DOCK6: variants seen among roughly 807,000 people sequenced by gnomAD.
DOCK6 encodes the protein dedicator of cytokinesis 6.
A neutral mutation model predicts 230.3 loss-of-function variants in DOCK6; 167 were observed. The ratio of observed to expected loss-of-function variants is 0.73; its 90% CI spans 0.64 to 0.82. The LOEUF is 0.82. Ranked by LOEUF, DOCK6 falls within the 40% of genes least tolerant of loss-of-function variation. The probability of loss-of-function intolerance (pLI) is 0.00; values close to 1 mark genes in which losing one functional copy is unlikely to be tolerated. For missense variants in DOCK6, 2,598 were observed against 2,825.8 expected (o/e 0.92, Z 1.83); for synonymous variants, 1,148 against 1,185.0 (o/e 0.97, Z 0.64).
chr19:11,240,248 G>C lies in DOCK6; in HGVS notation c.1643+1797C>G, dbSNP rs992655444. The C allele has an allele frequency of 9.5e-6, 15 of 1,583,442 alleles. No homozygotes were observed. The African/African-American group carries it at 1.9e-4, about 20-fold the overall frequency. Reference sequence around the variant, plus strand: ...GCGTGCAGCGGCTAGAAGTCCAGCTGAGGAGCGCCTGGCTGGGCCCTGCCT... The same window carrying C: ...GCGTGCAGCGGCTAGAAGTCCAGCTCAGGAGCGCCTGGCTGGGCCCTGCCT... On this transcript the variant is annotated intron_variant, in intron 14 of 47. Coordinates refer to ENST00000294618, the MANE Select transcript of DOCK6 (RefSeq NM_020812.4).
intron 7 of DOCK6, 83 bp from the exon 8 acceptor site, chr19:11,245,961 G>A: frequency 6.7e-7 from 1 of 1,488,516 alleles, no homozygotes; most frequent in Non-Finnish European, 9.1e-7. Context: ...GCCCAAGGTG[G>A]GGGGCATCTG....
Position 11,200,973 on chromosome 19 carries a change from T to G in DOCK6, c.5768A>C (p.Asp1923Ala). Residue 1923 changes from aspartate (D) to alanine (A), a missense_variant, in exon 45 of 48, where the codon GAC (aspartate) becomes GCC (alanine). Coordinates refer to ENST00000294618, the MANE Select transcript of DOCK6 (RefSeq NM_020812.4). This position sits in a 1 kb window ranked among gnomAD's most constrained non-coding sequence, Gnocchi z 4.3. The stretch of plus-strand genomic sequence containing the variant: ...CTGTAGCATCTTAGCATCTGGTGGG[T>G]CCTGCTCGGTGGCAAAGGCCAGCTC... Reference protein sequence around the residue: ...TRELAFATEQDPPDAKMLQMV... With the variant: ...TRELAFATEQAPPDAKMLQMV... 6.2e-7 allele frequency: 1 copy of G among 1,613,876 alleles called. No individual in the cohort carries two copies. The highest frequency in any genetic ancestry group is 8.5e-7 in the Non-Finnish European group (1 of 1,179,852).
chr19:11,243,255 C>A lies in DOCK6; in HGVS notation c.1386+3G>T. ...GAGAGTCCCTGGCCCCAGGGTAGGA[C>A]ACCTGCTTAAAGAAGTTTGTGACAG... On this transcript the variant is annotated splice_donor_region_variant and intron_variant, in intron 12 of 47. Transcript: ENST00000294618. This position sits in a 1 kb window ranked among gnomAD's most constrained non-coding sequence, Gnocchi z 6.3. The A allele has an allele frequency of 6.2e-7, 1 of 1,612,584 alleles. No homozygotes were observed. The highest frequency in any genetic ancestry group is 8.5e-7 in the Non-Finnish European group (1 of 1,179,334).
intron 1 of DOCK6, 123 bp from the exon 2 acceptor site, chr19:11,253,849 C>T: frequency 1.4e-6 from 1 of 690,320 alleles, no homozygotes; most frequent in Non-Finnish European, 2.4e-6. Flanking sequence ...CCAAGAGAAC[C>T]AGGAGTGCTG....
intron 39 of DOCK6, chr19:11,206,248 C>T (rs778918954): frequency 6.6e-6 from 1 of 152,100 alleles, no homozygotes; most frequent in Non-Finnish European, 1.5e-5. Flanking sequence ...AGAAGAAAAC[C>T]CCTTTTCCAC....
At position 11,243,969 on chromosome 19, in the gene DOCK6, T is replaced by C; in HGVS notation, c.1024-87A>G. On this transcript the variant is annotated intron_variant, in intron 9 of 47. Coordinates refer to ENST00000294618, the MANE Select transcript of DOCK6 (RefSeq NM_020812.4). This position sits in a 1 kb window ranked among gnomAD's most constrained non-coding sequence, Gnocchi z 6.3. ...GCTCCCCAGCCTCCTGGACCCCTCA[T>C]GGGCCCTCGGACACTCCTAACATAT... The C allele has an allele frequency of 7.0e-7, 1 of 1,418,700 alleles. No homozygotes were observed. Among genetic ancestry groups the C allele is most frequent in the Non-Finnish European group, 9.7e-7 (1 of 1,026,890 alleles). The allele number at this position is 1,418,700 out of a possible 1,614,324, so 87.9% of individuals were successfully genotyped here. A position where few individuals can be genotyped will look rare whatever the true frequency, so the allele number is the denominator to read the frequency against.
chr19:11,217,337 C>T lies in DOCK6; in HGVS notation c.3605G>A (p.Gly1202Asp), dbSNP rs75699708. 13 of 1,613,558 alleles carry T rather than the reference C, an allele frequency of 8.1e-6. No homozygotes were observed. In the East Asian group the frequency reaches 2.7e-4, roughly 33 times the overall value. ...GATGGTACCCGCAATGTCCCCTTCG[C>T]CTTCTGTGTCTGAGTCAAGCATTGA... is the stretch of plus-strand genomic sequence containing the variant. ...LASMLDSDTE[G>D]EGDIAGTINP... The change falls in exon 29 of 48, where the codon GGC becomes GAC. Residue 1202 changes from glycine (G) to aspartate (D), a missense_variant. Coordinates refer to ENST00000294618, the MANE Select transcript of DOCK6 (RefSeq NM_020812.4).
chr19:11,204,171 G>A (rs752068953), intron 40 of DOCK6, 29 bp downstream of exon 40: 3 of 1,548,264 alleles, frequency 1.9e-6, no homozygotes, highest in Non-Finnish European at 2.6e-6. Context: ...GGCTGAGGGT[G>A]GGGTCTGGGG....
At chr19:11,246,247 T>C (rs1343931780) in intron 7 of DOCK6, among the ~76,000 whole-genome samples, 4 of 150,920 alleles carry the variant, frequency 2.7e-5, no homozygotes, top group African/African-American at 9.7e-5. Flanking sequence ...TTTGTGTTTT[T>C]AGTAGAGACA....
At chr19:11,253,329 C>A (rs551721889) in intron 2 of DOCK6, among the ~76,000 whole-genome samples, 1 of 152,172 alleles carries the variant, frequency 6.6e-6, no homozygotes, top group Admixed American at 6.5e-5. Context: ...TCACTCCCCT[C>A]CCCAACTTCT....
In DOCK6 at chr19:11,236,509, G is replaced by A. The variant is rs1424055741; in HGVS notation, c.2229C>T (p.Leu743=). ...TGCCCTCGCTCAGCACAGTGTCCTT[G>A]AGCCGGAATGGGAAGGCTCCCTCCT... ...VLEEGAFPFR[L]KDTVLSEGNV... Residue 743 remains leucine, a synonymous_variant, in exon 20 of 48, where the codon CTC becomes CTT. Transcript: ENST00000294618. This position sits in a 1 kb window ranked among gnomAD's most constrained non-coding sequence, Gnocchi z 5.2. 2 of 1,604,530 alleles carry A rather than the reference G, an allele frequency of 1.2e-6. No homozygotes were observed. The highest frequency in any genetic ancestry group is 1.7e-6 in the Non-Finnish European group (2 of 1,176,024).
intron 1 of DOCK6, among the ~76,000 whole-genome samples, chr19:11,254,685 A>T (rs1359230001): frequency 6.6e-6 from 1 of 151,894 alleles, no homozygotes; most frequent in African/African-American, 2.4e-5. Context: ...TTGTCTCGAA[A>T]AAAAAAAAAA....
At chr19:11,217,444 C>T (rs2079510751) in intron 28 of DOCK6, 53 bp from the exon 29 acceptor site, 1 of 1,572,258 alleles carries the variant, frequency 6.4e-7, no homozygotes, top group African/African-American at 1.4e-5. Flanking sequence ...AAGTGCTGTC[C>T]CTGTCTCAAA....
In DOCK6 at chr19:11,259,881, C is replaced by CTTT. The variant is rs1205836383; in HGVS notation, c.44+2513_44+2515dup. Among the ~76,000 whole-genome samples the CTTT allele has an allele frequency of 5.9e-5, 4 of 67,778 alleles. 1 individual carries two copies. The highest frequency in any genetic ancestry group is 1.2e-4 in the African/African-American group (2 of 16,766). 44.5% of individuals were successfully genotyped at this position (67,778 alleles called of 152,430 possible). A position where few individuals can be genotyped will look rare whatever the true frequency, so the allele number is the denominator to read the frequency against. The stretch of plus-strand genomic sequence containing the variant: ...ACAGACCTGGGCCGCCGCGCCCGGC[C>CTTT]TTTTTTTTTTTTTTTTTTTTGAGAC... On this transcript the variant is annotated intron_variant, in intron 1 of 47. Transcript: ENST00000294618.
intron 37 of DOCK6, among the ~76,000 whole-genome samples, chr19:11,210,955 CCT>C (rs1226497359): frequency 2.6e-5 from 4 of 151,590 alleles, no homozygotes; most frequent in Admixed American, 2.0e-4. Context: ...ATGTCCACCC[CCT>C]CACTTGTGTC....
chr19:11,235,787 C>T (rs551854471), intron 20 of DOCK6, 28 bp from the exon 21 acceptor site: 6 of 1,564,454 alleles, frequency 3.8e-6, no homozygotes, highest in East Asian at 4.7e-5. Flanking sequence ...GGTCAAGTTC[C>T]AGGGCCCAAG....
intron 39 of DOCK6, among the ~76,000 whole-genome samples, chr19:11,206,904 G>A (rs1254685592): frequency 2.0e-5 from 3 of 151,788 alleles, no homozygotes; most frequent in African/African-American, 7.3e-5. Context: ...AGTGCAGTGG[G>A]CATGATCTCA....
intron 23 of DOCK6, among the ~76,000 whole-genome samples, chr19:11,227,795 A>G (rs1599240051): frequency 6.6e-6 from 1 of 151,120 alleles, no homozygotes; most frequent in Admixed American, 6.6e-5. Flanking sequence ...AAGTGTAGAG[A>G]GTGGGAAGGC....
Position 11,212,103 on chromosome 19 carries a change from C to T in DOCK6, c.4540G>A (p.Val1514Met). 6.2e-7 allele frequency: 1 copy of T among 1,612,512 alleles called. No individual in the cohort carries two copies. Among genetic ancestry groups the T allele is most frequent in the Non-Finnish European group, 8.5e-7 (1 of 1,179,734 alleles). Reference sequence around the variant, plus strand: ...TCACTGAAGTTCTGCGTCGTCCCCACCAGGGACGAGAGAGACATGGTGACC... The same window carrying T: ...TCACTGAAGTTCTGCGTCGTCCCCATCAGGGACGAGAGAGACATGGTGACC... ...MQVTMSLSSL[V>M]GTTQNFSEEH... The change falls in exon 36 of 48, where the codon GTG (valine) becomes ATG (methionine). Residue 1514 changes from valine (V) to methionine (M), a missense_variant. Coordinates refer to ENST00000294618, the MANE Select transcript of DOCK6 (RefSeq NM_020812.4).
Sources: gnomAD v4.1 joint callset for allele counts (sites outside exome capture counted in the v4.1 genomes callset) on GRCh38, gnomAD v4.1.1 for gene constraint, Gnocchi (gnomAD v3.1) non-coding constraint, MANE v1.5 for transcripts, NCBI Gene and HGNC (gene_info 2026-07-23, HGNC 2026-07-21) for gene names.